SYT16: variants seen among roughly 807,000 people sequenced by gnomAD.
The protein encoded by SYT16 is synaptotagmin 16.
SYT16 carries 42 observed loss-of-function variants against 61.4 expected under a neutral mutation model. The ratio of observed to expected loss-of-function variants is 0.68; its 90% CI spans 0.53 to 0.89. The LOEUF (loss-of-function observed/expected upper bound fraction) is 0.89, where lower values mean the gene tolerates loss of function less well. Among genes scored for constraint, SYT16 ranks in the 40% least tolerant of loss-of-function variants. The pLI, the probability that SYT16 is intolerant of heterozygous loss-of-function variation, is 0.00. For missense variants in SYT16, 804 were observed against 807.3 expected (o/e 1.00, Z 0.05); for synonymous variants, 314 against 302.3 (o/e 1.04, Z -0.40).
chr14:61,945,638 G>A (rs1348588686), intron 1 of SYT16, among the ~76,000 whole-genome samples: 1 of 151,890 alleles, frequency 6.6e-6, no homozygotes, highest in Non-Finnish European at 1.5e-5. Context: ...GGCGGATCAC[G>A]AGGTCAGGAG....
chr14:62,052,006 T>G (rs1479282291), intron 3 of SYT16, among the ~76,000 whole-genome samples: 1 of 152,158 alleles, frequency 6.6e-6, no homozygotes, highest in Non-Finnish European at 1.5e-5. Context: ...GGAAACATTT[T>G]AAAAAAATGC....
chr14:61,942,150 C>T (rs1339750452), intron 1 of SYT16, among the ~76,000 whole-genome samples: 3 of 152,212 alleles, frequency 2.0e-5, no homozygotes, highest in South Asian at 2.1e-4. Context: ...GATGTTTTTA[C>T]ATCAAGTTGT....
intron 1 of SYT16, among the ~76,000 whole-genome samples, chr14:61,839,551 G>C (rs1324182649): frequency 1.2e-4 from 18 of 152,130 alleles, no homozygotes; most frequent in Admixed American, 8.5e-4. Flanking sequence ...CATCTGCTTG[G>C]TGGGAAAAGA....
chr14:61,832,194 T>A (rs570194847), intron 1 of SYT16: 9 of 650,768 alleles, frequency 1.4e-5, no homozygotes, highest in South Asian at 1.2e-4. Flanking sequence ...CACGGCTTTC[T>A]GTCTGGCAGA....
chr14:62,044,511 C>T (rs548158119), intron 3 of SYT16, among the ~76,000 whole-genome samples: 1 of 152,008 alleles, frequency 6.6e-6, no homozygotes, highest in Non-Finnish European at 1.5e-5. Context: ...TCCATGTGCT[C>T]TCATTGTTCA....
intron 3 of SYT16, among the ~76,000 whole-genome samples, chr14:62,019,247 A>T (rs1283399785): frequency 2.0e-5 from 3 of 152,254 alleles, no homozygotes; most frequent in Admixed American, 1.3e-4. Flanking sequence ...ATCTAGCAGA[A>T]TTAGAATGCG....
chr14:62,091,215 T>TA (rs2057061643), intron 7 of SYT16, among the ~76,000 whole-genome samples: 1 of 152,216 alleles, frequency 6.6e-6, no homozygotes, highest in South Asian at 2.1e-4. Flanking sequence ...GGGAAAAGAA[T>TA]ATCAAAGTAT....
chr14:62,104,526 G>A lies in SYT16; in HGVS notation c.*3819G>A, dbSNP rs941665290. 1 of 152,208 alleles carries A rather than the reference G, an allele frequency of 6.6e-6. No individual in the cohort carries two copies. The highest frequency in any genetic ancestry group is 2.4e-5 in the African/African-American group (1 of 41,458). The allele number at this position is 152,208 out of a possible 1,614,324, so 9.4% of individuals were successfully genotyped here. On this transcript the variant is annotated 3_prime_UTR_variant, in exon 8 of 8. Coordinates refer to ENST00000683842, the MANE Select transcript of SYT16 (RefSeq NM_001367656.1). Reference sequence around the variant, plus strand: ...TGGAAGAATTAAAGAATACATAAATGTGCTGGATACATTTAGCATCCTCCA... The same window carrying A: ...TGGAAGAATTAAAGAATACATAAATATGCTGGATACATTTAGCATCCTCCA...
intron 3 of SYT16, among the ~76,000 whole-genome samples, chr14:62,049,261 G>T (rs1208089400): frequency 6.6e-6 from 1 of 152,066 alleles, no homozygotes; most frequent in African/African-American, 2.4e-5. Flanking sequence ...GATCTTTGTT[G>T]GTTTAAAGTC....
At chr14:61,814,599 C>T (rs1416952936) in intron 1 of SYT16, among the ~76,000 whole-genome samples, 1 of 152,204 alleles carries the variant, frequency 6.6e-6, no homozygotes, top group Non-Finnish European at 1.5e-5. Flanking sequence ...AAGAATCAAA[C>T]TTTTGCCCAT....
chr14:62,011,904 C>CACACACACAT (rs755955809), intron 3 of SYT16, among the ~76,000 whole-genome samples: 33 of 90,214 alleles, frequency 3.7e-4, no homozygotes, highest in Non-Finnish European at 4.7e-4. Flanking sequence ...CACACACACA[C>CACACACACAT]ATATATATAC....
At chr14:61,829,241 G>A (rs943269970) in intron 1 of SYT16, among the ~76,000 whole-genome samples, 3 of 149,274 alleles carry the variant, frequency 2.0e-5, no homozygotes, top group African/African-American at 7.7e-5. Context: ...CTTCCTTCTG[G>A]CCTCTATGAT....
At chr14:61,821,190 C>A (rs777026286) in intron 1 of SYT16, among the ~76,000 whole-genome samples, 1 of 152,002 alleles carries the variant, frequency 6.6e-6, no homozygotes, top group Admixed American at 6.6e-5. Flanking sequence ...GATGACCCCT[C>A]TCCCTTAACC....
chr14:61,843,352 G>A (rs753901494), intron 1 of SYT16, among the ~76,000 whole-genome samples: 26 of 152,118 alleles, frequency 1.7e-4, no homozygotes, highest in Non-Finnish European at 3.2e-4. Context: ...TTTCCATAGA[G>A]TTATTTCTTA....
intron 3 of SYT16, among the ~76,000 whole-genome samples, chr14:62,005,931 A>C (rs2053204109): frequency 6.6e-6 from 1 of 152,084 alleles, no homozygotes; most frequent in African/African-American, 2.4e-5. Flanking sequence ...ATGGGCTTAG[A>C]ATGAGGCAGC....
At chr14:61,834,204 C>T (rs2046048038) in intron 1 of SYT16, among the ~76,000 whole-genome samples, 1 of 151,984 alleles carries the variant, frequency 6.6e-6, no homozygotes, top group South Asian at 2.1e-4. Context: ...GATCTCGGCT[C>T]ACTGTAACCT....
At chr14:61,884,628 C>T (rs150781705) in intron 1 of SYT16, among the ~76,000 whole-genome samples, 215 of 152,272 alleles carry the variant, frequency 1.4e-3, no homozygotes, top group Middle Eastern at 0.014. Flanking sequence ...TTTTTAAATT[C>T]GAGAGCAACA....
At chr14:61,945,177 A>G (rs962982878) in intron 1 of SYT16, among the ~76,000 whole-genome samples, 1 of 152,254 alleles carries the variant, frequency 6.6e-6, no homozygotes, top group African/African-American at 2.4e-5. Flanking sequence ...AATCAAAACC[A>G]CGGTGAGATA....
intron 5 of SYT16, among the ~76,000 whole-genome samples, chr14:62,080,231 A>G (rs2056659165): frequency 6.6e-6 from 1 of 152,244 alleles, no homozygotes; most frequent in South Asian, 2.1e-4. Flanking sequence ...TGCCTGTCCC[A>G]GAAATGGCAG....
Sources: allele counts gnomAD v4.1 joint callset (sites outside exome capture counted in the v4.1 genomes callset), GRCh38; gene constraint gnomAD v4.1.1; transcripts MANE v1.5; gene names NCBI Gene and HGNC (gene_info 2026-07-23, HGNC 2026-07-21).